The following APLP2 variants were observed in gnomAD, a reference collection of about 807,000 sequenced individuals.
APLP2 encodes the protein CDEI box-binding protein.
Under a neutral mutation model 89.9 loss-of-function variants are expected in APLP2, and 53 were observed. The ratio of observed to expected loss-of-function variants is 0.59; its 90% confidence interval spans 0.47 to 0.74. APLP2 has a LOEUF of 0.74. Ranked by LOEUF, APLP2 falls within the 30% of genes least tolerant of loss-of-function variation. The pLI is 0.00. For missense variants in APLP2, 973 were observed against 975.9 expected (o/e 1.00, Z 0.04); for synonymous variants, 372 against 348.6 (o/e 1.07, Z -0.75).
chr11:130,071,921 T>G (rs1941179640), intron 1 of APLP2, among the ~76,000 whole-genome samples: 1 of 152,244 alleles, frequency 6.6e-6, no homozygotes, highest in Non-Finnish European at 1.5e-5. Context: ...ATTTTGTTTA[T>G]TTGCTGTCAG....
At chr11:130,104,624 T>C (rs76137114) in intron 1 of APLP2, among the ~76,000 whole-genome samples, 7,785 of 152,250 alleles carry the variant, frequency 0.051, 537 homozygotes, top group East Asian at 0.24. Context: ...GTATTACCTA[T>C]GAATAGGTGT....
In APLP2 at chr11:130,141,416, G is replaced by T; in HGVS notation, c.1924-82G>T. On this transcript the variant is annotated intron_variant, in intron 14 of 16. Transcript: ENST00000338167. The surrounding 1 kb of genome is among the most constrained non-coding windows in gnomAD (Gnocchi z 4.2). ...ACCTGCTTCCTTCCATCAAGCAGCA[G>T]GTAGCAGAGGAAGGAGGCAGTAAAT... 1 of 1,141,376 alleles carries T rather than the reference G, an allele frequency of 8.8e-7. No individual in the cohort carries two copies. 70.7% of individuals were successfully genotyped at this position (1,141,376 alleles called of 1,614,324 possible). A position where few individuals can be genotyped will look rare whatever the true frequency, so the allele number is the denominator to read the frequency against.
At position 130,133,641 on chromosome 11, in the gene APLP2, C is replaced by T. The variant is rs1160166067; in HGVS notation, c.1597C>T (p.Leu533Phe). 1.9e-6 allele frequency: 3 copies of T among 1,613,990 alleles called. No individual in the cohort carries two copies. Among genetic ancestry groups the T allele is most frequent in the East Asian group, 2.2e-5 (1 of 44,878 alleles). Reference sequence around the variant, plus strand: ...ACTCTGCTTCCAGGTGATGACACATCTCCACGTGATTGAAGAAAGGAGGAA... The same window carrying T: ...ACTCTGCTTCCAGGTGATGACACATTTCCACGTGATTGAAGAAAGGAGGAA... ...AQMKSQVMTH[L>F]HVIEERRNQS... The change falls in exon 12 of 17, where the codon CTC (leucine) becomes TTC (phenylalanine). Residue 533 changes from leucine to phenylalanine, a missense_variant. Coordinates refer to ENST00000338167, the MANE Select transcript of APLP2 (RefSeq NM_001142276.2).
intron 1 of APLP2, among the ~76,000 whole-genome samples, chr11:130,081,060 AC>A (rs1943068320): frequency 6.6e-6 from 1 of 152,210 alleles, no homozygotes; most frequent in Non-Finnish European, 1.5e-5. Flanking sequence ...CCAAGTTATT[AC>A]AAAAAATTTA....
chr11:130,070,073 C>T lies in APLP2; in HGVS notation c.96C>T (p.Gly32=). ...GLTAPALALA[G]YIEALAANAG... is the part of the protein sequence containing the mutation. Reference sequence around the variant, plus strand: ...CGGCGCCTGCCTTGGCGCTGGCCGGCTACATCGAGGTGGGGACCGGGCGAA... The same window carrying T: ...CGGCGCCTGCCTTGGCGCTGGCCGGTTACATCGAGGTGGGGACCGGGCGAA... The change falls in exon 1 of 17, where the codon GGC becomes GGT. Residue 32 remains glycine, a synonymous_variant. Transcript: ENST00000338167. The T allele has an allele frequency of 6.8e-7, 1 of 1,477,388 alleles. No individual in the cohort carries two copies. 91.5% of individuals were successfully genotyped at this position (1,477,388 alleles called of 1,614,324 possible).
chr11:130,125,865 C>T (rs1011111152), intron 7 of APLP2, among the ~76,000 whole-genome samples: 1 of 152,198 alleles, frequency 6.6e-6, no homozygotes, highest in Non-Finnish European at 1.5e-5. Flanking sequence ...CTTGTCATCT[C>T]AGTCCTTTCC....
intron 1 of APLP2, among the ~76,000 whole-genome samples, chr11:130,094,967 T>C (rs1426278176): frequency 6.6e-6 from 1 of 152,170 alleles, no homozygotes; most frequent in Non-Finnish European, 1.5e-5. Flanking sequence ...TTTACTGATC[T>C]TTTCTGACAA....
At chr11:130,083,901 A>G (rs192948861) in intron 1 of APLP2, among the ~76,000 whole-genome samples, 1 of 152,268 alleles carries the variant, frequency 6.6e-6, no homozygotes, top group African/African-American at 2.4e-5. Context: ...AAGAACCTTC[A>G]TACTATTTTC....
chr11:130,087,435 T>G (rs1052182399), intron 1 of APLP2, among the ~76,000 whole-genome samples: 3 of 152,172 alleles, frequency 2.0e-5, no homozygotes, highest in African/African-American at 7.2e-5. Context: ...CAGCAGGGGC[T>G]AAGTAGTGGC....
At chr11:130,124,873 G>C (rs1445105310) in intron 7 of APLP2, among the ~76,000 whole-genome samples, 3 of 152,232 alleles carry the variant, frequency 2.0e-5, no homozygotes, top group Non-Finnish European at 4.4e-5. Flanking sequence ...TTTAGAAATA[G>C]AAATTATTGT....
intron 1 of APLP2, among the ~76,000 whole-genome samples, chr11:130,096,414 A>G (rs1946217278): frequency 6.6e-6 from 1 of 152,174 alleles, no homozygotes; most frequent in African/African-American, 2.4e-5. Context: ...CCACCTGACA[A>G]GTAGTACAAA....
chr11:130,124,708 A>G (rs1466051112), intron 7 of APLP2, among the ~76,000 whole-genome samples: 1 of 152,192 alleles, frequency 6.6e-6, no homozygotes, highest in Non-Finnish European at 1.5e-5. Flanking sequence ...TCCTTCTACC[A>G]AAAGATCTTT....
At chr11:130,129,366 C>G (rs1039298318) in intron 10 of APLP2, among the ~76,000 whole-genome samples, 160 bp downstream of exon 10, 3 of 152,202 alleles carry the variant, frequency 2.0e-5, no homozygotes, top group Non-Finnish European at 4.4e-5. Context: ...ATTCTAATAT[C>G]TGTGTATATA....
rs1427673427 is a variant in APLP2 at position 130,120,813 on chromosome 11, A to C, written c.511A>C (p.Lys171Gln). Residue 171 changes from lysine (K) to glutamine (Q), a missense_variant, in exon 4 of 17, where the codon AAA becomes CAA. Transcript: ENST00000338167. ...ENHQHWHTVV[K>Q]EACLTQGMTL... Reference sequence around the variant, plus strand: ...TCACCAGCACTGGCACACGGTAGTCAAAGAGGTAAGAGAACTCGGGGGGAA... The same window carrying C: ...TCACCAGCACTGGCACACGGTAGTCCAAGAGGTAAGAGAACTCGGGGGGAA... 2 of 1,612,734 alleles carry C rather than the reference A, an allele frequency of 1.2e-6. No homozygotes were observed.
At chr11:130,116,155 T>TAAAAGATAAGGTTGGGAGAAAAAA (rs1237173255) in intron 3 of APLP2, among the ~76,000 whole-genome samples, 48 of 151,988 alleles carry the variant, frequency 3.2e-4, no homozygotes, top group African/African-American at 1.1e-3. Flanking sequence ...CATCTTTGAA[T>TAAAAGATAAGGTTGGGAGAAAAAA]AAAAGATAAG....
intron 1 of APLP2, among the ~76,000 whole-genome samples, chr11:130,084,988 T>G (rs759021684): frequency 1.1e-4 from 16 of 151,962 alleles, no homozygotes; most frequent in Non-Finnish European, 1.6e-4. Flanking sequence ...ACCATGAAAA[T>G]AAAAAGTATC....
At chr11:130,094,642 TGACAA>T (rs1370791964) in intron 1 of APLP2, among the ~76,000 whole-genome samples, 5 of 152,214 alleles carry the variant, frequency 3.3e-5, no homozygotes, top group African/African-American at 1.2e-4. Context: ...TCCAAATTAT[TGACAA>T]GACGTGTACA....
Position 130,110,668 on chromosome 11 carries a change from G to A in APLP2, c.403+7G>A, listed in dbSNP as rs1948434676. ...ACACCTTTCAAGTGTCTCGGTGAGT[G>A]TTCTTGGTTACTTTTCAGGAAGTGC... On this transcript the variant is annotated splice_region_variant and intron_variant, in intron 3 of 16. Transcript: ENST00000338167. 1 of 1,601,906 alleles carries A rather than the reference G, an allele frequency of 6.2e-7. No homozygotes were observed. Among genetic ancestry groups the A allele is most frequent in the Non-Finnish European group, 8.5e-7 (1 of 1,176,536 alleles).
intron 2 of APLP2, chr11:130,109,819 G>A (rs3819107): frequency 0.075 from 35,194 of 466,196 alleles, 2,081 homozygotes; most frequent in African/African-American, 0.2. Context: ...TTTAAGGAAG[G>A]GATACTGCAG....
Sources: gnomAD v4.1 joint callset for allele counts (sites outside exome capture counted in the v4.1 genomes callset) on GRCh38, gnomAD v4.1.1 for gene constraint, Gnocchi (gnomAD v3.1) non-coding constraint, MANE v1.5 for transcripts, NCBI Gene and HGNC (gene_info 2026-07-23, HGNC 2026-07-21) for gene names.